The following MS4A4A variants were observed in gnomAD, a reference collection of about 807,000 sequenced individuals.
The protein encoded by MS4A4A is membrane-spanning 4-domains subfamily A member 4A.
In MS4A4A, 26 loss-of-function variants were observed where a neutral mutation model predicts 28.0. The ratio of observed to expected loss-of-function variants is 0.93; its 90% CI spans 0.68 to 1.29. The LOEUF (loss-of-function observed/expected upper bound fraction) is 1.29, where lower values mean the gene tolerates loss of function less well. Among genes scored for constraint, MS4A4A ranks in the 50% most tolerant of loss-of-function variants. The pLI is 0.00. For synonymous variants in MS4A4A, 86 were observed against 100.8 expected, an observed-to-expected ratio of 0.85 and a Z score of 0.88; for missense variants, 290 against 293.1, an observed-to-expected ratio of 0.99 and a Z score of 0.08.
chr11:60,294,675 C>A (rs138244101), intron 2 of MS4A4A, among the ~76,000 whole-genome samples: 61 of 152,070 alleles, frequency 4.0e-4, no homozygotes, highest in African/African-American at 1.4e-3. Flanking sequence ...TTATGGATAT[C>A]AAGTTTTAAG....
Position 60,306,154 on chromosome 11 carries a change from T to C in MS4A4A, c.601T>C (p.Ser201Pro), listed in dbSNP as rs1159510601. Reference protein sequence around the residue: ...LSVLEFCIAVSLSAFGCKVLC... With the variant: ...LSVLEFCIAVPLSAFGCKVLC... The stretch of plus-strand genomic sequence containing the variant: ...TGTGCTGGAATTCTGCATTGCTGTG[T>C]CCCTCTCTGCCTTTGGATGTAAAGT... The change falls in exon 6 of 7, where the codon TCC becomes CCC. Residue 201 changes from serine to proline, a missense_variant. Physicochemically the swap from Ser to Pro is moderately conservative, Grantham distance 74. Coordinates refer to ENST00000337908, the MANE Select transcript of MS4A4A (RefSeq NM_148975.3). 6.2e-7 allele frequency: 1 copy of C among 1,614,120 alleles called. No homozygotes were observed. The highest frequency in any genetic ancestry group is 8.5e-7 in the Non-Finnish European group (1 of 1,179,916).
intron 5 of MS4A4A, among the ~76,000 whole-genome samples, chr11:60,303,399 A>T (rs1472499285): frequency 6.6e-6 from 1 of 152,206 alleles, no homozygotes; most frequent in African/African-American, 2.4e-5. Context: ...TAAAATGCAC[A>T]ATTAAATCTT....
At chr11:60,293,708 G>A (rs919578297) in intron 2 of MS4A4A, among the ~76,000 whole-genome samples, 1 of 152,130 alleles carries the variant, frequency 6.6e-6, no homozygotes, top group Non-Finnish European at 1.5e-5. Flanking sequence ...CATACAGTTG[G>A]AATTGTACAA....
In MS4A4A at chr11:60,292,224, G is replaced by A. The variant is rs557733227; in HGVS notation, c.42-1G>A. The A allele has an allele frequency of 6.5e-7, 1 of 1,539,878 alleles. No individual in the cohort carries two copies. The highest frequency in any genetic ancestry group is 8.7e-7 in the Non-Finnish European group (1 of 1,148,880). ...ATACTAAATTACATTTCTTATTGTA[G>A]CACCTTTTCTGCTGCCATGACAACC... On this transcript the variant is annotated splice_acceptor_variant, in intron 1 of 6. Coordinates refer to ENST00000337908, the MANE Select transcript of MS4A4A (RefSeq NM_148975.3). LOFTEE classifies it high-confidence loss of function.
chr11:60,301,764 G>T (rs1565148376), intron 4 of MS4A4A, among the ~76,000 whole-genome samples: 1 of 151,388 alleles, frequency 6.6e-6, no homozygotes, highest in Non-Finnish European at 1.5e-5. Flanking sequence ...TTTTTTGTTT[G>T]TTTTTTTTCT....
chr11:60,304,468 T>C (rs747551933), intron 5 of MS4A4A, among the ~76,000 whole-genome samples: 105 of 152,318 alleles, frequency 6.9e-4, no homozygotes, highest in South Asian at 3.5e-3. Context: ...TGAATTCCTG[T>C]TAATTGTGTG....
intron 1 of MS4A4A, 66 bp from the exon 2 acceptor site, chr11:60,292,159 C>T: frequency 1.4e-6 from 2 of 1,466,364 alleles, no homozygotes; most frequent in Non-Finnish European, 1.8e-6. Context: ...AGGAACCTGC[C>T]CCAAAGTGTC....
intron 1 of MS4A4A, chr11:60,282,570 T>C: frequency 7.8e-7 from 1 of 1,280,778 alleles, no homozygotes; most frequent in Non-Finnish European, 1.0e-6. Context: ...GATGATGTGG[T>C]GGGTTTGTTT....
intron 5 of MS4A4A, chr11:60,305,883 G>A (rs1267345735): frequency 1.8e-6 from 1 of 550,040 alleles, no homozygotes; most frequent in Non-Finnish European, 3.2e-6. Flanking sequence ...GGGAGGTGCT[G>A]AACTAGGGAA....
In MS4A4A at chr11:60,302,539, T is replaced by A. The variant is rs775116369; in HGVS notation, c.388-20T>A. The A allele has an allele frequency of 3.1e-6, 5 of 1,612,550 alleles. No homozygotes were observed. In the South Asian group the frequency reaches 5.5e-5, roughly 18 times the overall value. On this transcript the variant is annotated intron_variant, in intron 4 of 6. Coordinates refer to ENST00000337908, the MANE Select transcript of MS4A4A (RefSeq NM_148975.3). ...TGAGGATGTTGTTGGATTGTTTAAT[T>A]GATTTTCATTCCTTTCTAGGTCCGA...
chr11:60,287,747 T>C (rs940069144), intron 1 of MS4A4A, among the ~76,000 whole-genome samples: 3 of 152,180 alleles, frequency 2.0e-5, no homozygotes, highest in African/African-American at 7.2e-5. Context: ...TGTGAGCCTG[T>C]GAAATCAAAA....
At chr11:60,286,636 C>A (rs1434106639) in intron 1 of MS4A4A, among the ~76,000 whole-genome samples, 1 of 152,194 alleles carries the variant, frequency 6.6e-6, no homozygotes, top group African/African-American at 2.4e-5. Flanking sequence ...TAAATGATGA[C>A]CTTCTTTGCC....
At position 60,297,344 on chromosome 11, in the gene MS4A4A, G is replaced by C. The variant is rs201580841; in HGVS notation, c.330+19G>C. 251 of 1,611,180 alleles carry C rather than the reference G, an allele frequency of 1.6e-4. 2 individuals carry two copies. The East Asian group carries it at 5.5e-3, about 36-fold the overall frequency. On this transcript the variant is annotated intron_variant, in intron 3 of 6. Coordinates refer to ENST00000337908, the MANE Select transcript of MS4A4A (RefSeq NM_148975.3). ...AGTAATGGTGAGTAGAGTATCTTTT[G>C]ATATAATTGAAGATAACATAAAGCA... is the stretch of plus-strand genomic sequence containing the variant.
chr11:60,306,345 T>C (rs1371072618), intron 6 of MS4A4A, 144 bp downstream of exon 6: 1 of 701,370 alleles, frequency 1.4e-6, no homozygotes, highest in South Asian at 2.0e-5. Flanking sequence ...AGCTGAAGTA[T>C]GTCCTTGACT....
chr11:60,296,106 C>T (rs1376854738), intron 2 of MS4A4A, among the ~76,000 whole-genome samples: 1 of 151,894 alleles, frequency 6.6e-6, no homozygotes, highest in Non-Finnish European at 1.5e-5. Flanking sequence ...CCTTCTAGGT[C>T]TGATGCTTTC....
In MS4A4A at chr11:60,306,110, G is replaced by C. The variant is rs769551669; in HGVS notation, c.557G>C (p.Gly186Ala). ...GTMSILMGLD[G>A]MVLLLSVLEF... ...TGAGTTTTCTCCTAGGGTCTGGATG[G>C]CATGGTGCTCCTCCTAAGTGTGCTG... is the stretch of plus-strand genomic sequence containing the variant. Residue 186 changes from glycine (G) to alanine (A), a missense_variant, in exon 6 of 7, where the codon GGC becomes GCC. Physicochemically the swap from Gly to Ala is moderately conservative, Grantham distance 60 (BLOSUM62 0). Coordinates refer to ENST00000337908, the MANE Select transcript of MS4A4A (RefSeq NM_148975.3). The C allele has an allele frequency of 6.2e-7, 1 of 1,612,106 alleles. No homozygotes were observed. The highest frequency in any genetic ancestry group is 1.3e-5 in the African/African-American group (1 of 74,868).
chr11:60,286,011 C>A (rs922282953), intron 1 of MS4A4A, among the ~76,000 whole-genome samples: 2 of 152,084 alleles, frequency 1.3e-5, no homozygotes, highest in Non-Finnish European at 2.9e-5. Flanking sequence ...AGGCAGACAC[C>A]CCCAGAGCGG....
intron 2 of MS4A4A, among the ~76,000 whole-genome samples, chr11:60,294,636 G>C (rs529180504): frequency 3.3e-5 from 5 of 152,010 alleles, no homozygotes; most frequent in Non-Finnish European, 7.4e-5. Flanking sequence ...TTTTGTGAAA[G>C]ATATAAGGTA....
intron 3 of MS4A4A, among the ~76,000 whole-genome samples, chr11:60,298,869 T>C (rs1480162896): frequency 6.6e-6 from 1 of 152,224 alleles, no homozygotes; most frequent in Non-Finnish European, 1.5e-5. Context: ...TACCTTCCAT[T>C]ATTCTTTCAA....
Sources: allele counts gnomAD v4.1 joint callset (sites outside exome capture counted in the v4.1 genomes callset), GRCh38; gene constraint gnomAD v4.1.1; transcripts MANE v1.5; gene names NCBI Gene and HGNC (gene_info 2026-07-23, HGNC 2026-07-21).